PTPRD: variants seen among roughly 807,000 people sequenced by gnomAD.
PTPRD encodes protein tyrosine phosphatase receptor type D.
A neutral mutation model predicts 214.5 loss-of-function variants in PTPRD; 34 were observed. The ratio of observed to expected loss-of-function variants is 0.16; its 90% CI spans 0.12 to 0.21. The LOEUF (loss-of-function observed/expected upper bound fraction) is 0.21. Among genes scored for constraint, PTPRD ranks in the 10% least tolerant of loss-of-function variants. The pLI, the probability that PTPRD is intolerant of heterozygous loss-of-function variation, is 1.00. For missense variants in PTPRD, 2,545 were observed against 2,398.7 expected, an observed-to-expected ratio of 1.06 and a Z score of -1.27; for synonymous variants, 1,128 against 845.7, an observed-to-expected ratio of 1.33 and a Z score of -5.79.
intron 2 of PTPRD, among the ~76,000 whole-genome samples, chr9:10,521,980 T>C (rs2052478968): frequency 6.6e-6 from 1 of 152,116 alleles, no homozygotes; most frequent in African/African-American, 2.4e-5. Flanking sequence ...GTCTGTATGG[T>C]CTTTTTGATC....
intron 3 of PTPRD, among the ~76,000 whole-genome samples, chr9:10,284,652 C>T (rs2095279437): frequency 6.6e-6 from 1 of 152,144 alleles, no homozygotes; most frequent in African/African-American, 2.4e-5. Context: ...CAAAAGGCTT[C>T]AACCAAGTGT....
At chr9:10,329,255 T>G (rs950646896) in intron 3 of PTPRD, among the ~76,000 whole-genome samples, 2 of 150,998 alleles carry the variant, frequency 1.3e-5, no homozygotes, top group African/African-American at 2.4e-5. Flanking sequence ...GGTTGCTTTT[T>G]GTTTGCCTGT....
At chr9:9,838,282 C>T (rs988992977) in intron 5 of PTPRD, among the ~76,000 whole-genome samples, 6 of 151,970 alleles carry the variant, frequency 3.9e-5, no homozygotes, top group Non-Finnish European at 8.8e-5. Flanking sequence ...GGGTATATAC[C>T]CAGTAATGGG....
intron 5 of PTPRD, among the ~76,000 whole-genome samples, chr9:9,909,970 A>G (rs2078728740): frequency 6.6e-6 from 1 of 151,966 alleles, no homozygotes; most frequent in African/African-American, 2.4e-5. Context: ...AAATCATCCT[A>G]TCAGTTAGAG....
At chr9:10,413,750 C>T (rs1023334893) in intron 2 of PTPRD, among the ~76,000 whole-genome samples, 7 of 151,762 alleles carry the variant, frequency 4.6e-5, no homozygotes, top group African/African-American at 1.5e-4. Context: ...GATATTGGTA[C>T]AAAAACAGGC....
At chr9:8,937,569 G>C (rs2099006153) in intron 11 of PTPRD, among the ~76,000 whole-genome samples, 1 of 152,090 alleles carries the variant, frequency 6.6e-6, no homozygotes, top group Admixed American at 6.6e-5. Flanking sequence ...TAGTCCCTCA[G>C]AGAGGCCCTA....
chr9:10,550,626 T>G lies in PTPRD; in HGVS notation c.-600+61772A>C, dbSNP rs1590693887. On this transcript the variant is annotated intron_variant, in intron 2 of 45. Transcript: ENST00000381196. Reference sequence around the variant, plus strand: ...TTCACCCATTGGTTGAAAATGGTCCTTGGGTGCACACAAACCCAAAGGCAC... The same window carrying G: ...TTCACCCATTGGTTGAAAATGGTCCGTGGGTGCACACAAACCCAAAGGCAC... Among the ~76,000 whole-genome samples, 3 of 152,306 alleles carry G rather than the reference T, an allele frequency of 2.0e-5. No individual in the cohort carries two copies. In the East Asian group the frequency reaches 5.8e-4, roughly 29 times the overall value.
At chr9:9,992,291 A>G (rs1476483675) in intron 4 of PTPRD, among the ~76,000 whole-genome samples, 1 of 152,232 alleles carries the variant, frequency 6.6e-6, no homozygotes, top group Non-Finnish European at 1.5e-5. Flanking sequence ...AATGAAAATA[A>G]AAAGTTATAA....
intron 5 of PTPRD, among the ~76,000 whole-genome samples, chr9:9,829,993 T>C (rs1406381069): frequency 6.6e-6 from 1 of 151,818 alleles, no homozygotes; most frequent in African/African-American, 2.4e-5. Context: ...TCTGTTAAAG[T>C]ATAGCAGAAG....
chr9:10,171,376 C>T lies in PTPRD; in HGVS notation c.-544-137586G>A, dbSNP rs565267898. 4.6e-5 allele frequency among the ~76,000 whole-genome samples: 7 copies of T among 152,012 alleles called. No individual in the cohort carries two copies. The East Asian group carries it at 1.2e-3, about 25-fold the overall frequency. ...ATCTGATGGTTTTATAAGGAGAAAC[C>T]CTTTCGCTTGGCTCTCATTCTCTCT... is the stretch of plus-strand genomic sequence containing the variant. On this transcript the variant is annotated intron_variant, in intron 3 of 45. Transcript: ENST00000381196.
At chr9:10,320,516 G>A (rs1597039441) in intron 3 of PTPRD, among the ~76,000 whole-genome samples, 1 of 151,944 alleles carries the variant, frequency 6.6e-6, no homozygotes, top group East Asian at 1.9e-4. Flanking sequence ...TTCTGATATT[G>A]CAACATCTCT....
At chr9:9,231,460 GT>G (rs1165000080) in intron 9 of PTPRD, among the ~76,000 whole-genome samples, 2 of 152,080 alleles carry the variant, frequency 1.3e-5, no homozygotes, top group Non-Finnish European at 2.9e-5. Flanking sequence ...GAATTAAAGG[GT>G]TTAACAAAGT....
chr9:10,288,740 C>T (rs1242716992), intron 3 of PTPRD, among the ~76,000 whole-genome samples: 1 of 152,100 alleles, frequency 6.6e-6, no homozygotes, highest in East Asian at 1.9e-4. Context: ...TTATCTCTGC[C>T]TCATTTACTT....
chr9:9,741,500 G>C (rs978800586), intron 6 of PTPRD, among the ~76,000 whole-genome samples: 1 of 151,894 alleles, frequency 6.6e-6, no homozygotes, highest in Non-Finnish European at 1.5e-5. Flanking sequence ...TACATGTGCA[G>C]AACTGGCAGG....
chr9:10,310,858 G>C (rs201666706), intron 3 of PTPRD, among the ~76,000 whole-genome samples: 1 of 152,018 alleles, frequency 6.6e-6, no homozygotes, highest in Non-Finnish European at 1.5e-5. Flanking sequence ...TCATTAATAT[G>C]TTGTTACTCT....
At chr9:10,290,584 T>C (rs1467522983) in intron 3 of PTPRD, among the ~76,000 whole-genome samples, 1 of 152,146 alleles carries the variant, frequency 6.6e-6, no homozygotes, top group East Asian at 1.9e-4. Flanking sequence ...GAGTAAGAAA[T>C]TAAGGAATTA....
At chr9:9,062,175 G>A (rs1247788215) in intron 10 of PTPRD, among the ~76,000 whole-genome samples, 1 of 151,994 alleles carries the variant, frequency 6.6e-6, no homozygotes, top group African/African-American at 2.4e-5. Context: ...TCACATAAAT[G>A]GTCTTGAATA....
chr9:9,184,319 T>C (rs2099930062), intron 9 of PTPRD, among the ~76,000 whole-genome samples: 1 of 152,050 alleles, frequency 6.6e-6, no homozygotes, highest in Non-Finnish European at 1.5e-5. Flanking sequence ...CTACATTTTG[T>C]AGTTAGATGT....
intron 8 of PTPRD, among the ~76,000 whole-genome samples, chr9:9,458,329 G>A (rs937056098): frequency 1.3e-5 from 2 of 151,874 alleles, no homozygotes; most frequent in African/African-American, 4.8e-5. Context: ...CTGTCAAGAA[G>A]AAATCCAACA....
Sources: gnomAD v4.1 joint callset for allele counts (sites outside exome capture counted in the v4.1 genomes callset) on GRCh38, gnomAD v4.1.1 for gene constraint, MANE v1.5 for transcripts, NCBI Gene and HGNC (gene_info 2026-07-23, HGNC 2026-07-21) for gene names.